The following FOXN2 variants were observed in gnomAD, a reference collection of about 807,000 sequenced individuals.
FOXN2 encodes the protein forkhead box protein N2.
FOXN2 carries 19 observed loss-of-function variants against 41.2 expected under a neutral mutation model. The ratio of observed to expected loss-of-function variants is 0.46; its 90% CI spans 0.32 to 0.68. The LOEUF (loss-of-function observed/expected upper bound fraction) is 0.68. Ranked by LOEUF, FOXN2 falls within the 30% of genes least tolerant of loss-of-function variation. The probability of loss-of-function intolerance (pLI) is 0.03; values close to 1 mark genes in which losing one functional copy is unlikely to be tolerated. For synonymous variants in FOXN2, 195 were observed against 176.8 expected (o/e 1.10, Z -0.82); for missense variants, 587 against 509.4 (o/e 1.15, Z -1.47).
At chr2:48,323,997 A>G (rs891780757) in intron 1 of FOXN2, among the ~76,000 whole-genome samples, 2 of 152,076 alleles carry the variant, frequency 1.3e-5, no homozygotes, top group African/African-American at 2.4e-5. Flanking sequence ...ACTTCCTTCA[A>G]TTACTACTTT....
At chr2:48,319,616 CTT>C (rs35143943) in intron 1 of FOXN2, among the ~76,000 whole-genome samples, 22 of 133,874 alleles carry the variant, frequency 1.6e-4, no homozygotes, top group Non-Finnish European at 1.9e-4. Context: ...TATTTAAATT[CTT>C]TTTTTTTTTT....
chr2:48,334,947 G>A (rs1341494532), intron 2 of FOXN2, among the ~76,000 whole-genome samples: 2 of 152,284 alleles, frequency 1.3e-5, no homozygotes, highest in East Asian at 3.9e-4. Flanking sequence ...CTAGTTTGCA[G>A]CATAAATTCA....
At chr2:48,328,447 T>C (rs964873677) in intron 1 of FOXN2, 114 bp from the exon 2 acceptor site, 4 of 152,238 alleles carry the variant, frequency 2.6e-5, no homozygotes, top group Admixed American at 2.0e-4. Flanking sequence ...AAATGCTATA[T>C]AAATAGTTGT....
intron 5 of FOXN2, among the ~76,000 whole-genome samples, chr2:48,366,584 A>G (rs1414668907): frequency 2.6e-5 from 4 of 152,160 alleles, no homozygotes; most frequent in Non-Finnish European, 4.4e-5. Context: ...CTTATTTAGC[A>G]TAATAAGGAC....
rs549136834 is a variant in FOXN2 at position 48,374,926 on chromosome 2, A to G, written c.779A>G (p.Lys260Arg). ...SIEQGILECE[K>R]PLPLKTALQK... The stretch of plus-strand genomic sequence containing the variant: ...GAACTTTTATTTTCCACAGGTGAGA[A>G]GCCTCTTCCTCTTAAAACAGCATTG... Residue 260 changes from lysine to arginine, a missense_variant, in exon 7 of 7, where the codon AAG becomes AGG. Coordinates refer to ENST00000340553, the MANE Select transcript of FOXN2 (RefSeq NM_002158.4). 4.4e-6 allele frequency: 7 copies of G among 1,607,116 alleles called. No homozygotes were observed. The highest frequency in any genetic ancestry group is 2.2e-5 in the South Asian group (2 of 90,528).
intron 1 of FOXN2, among the ~76,000 whole-genome samples, chr2:48,315,033 G>T (rs1328955739): frequency 6.6e-6 from 1 of 152,108 alleles, no homozygotes; most frequent in Non-Finnish European, 1.5e-5. Flanking sequence ...TGGGCTCCGG[G>T]GGATGTCGAA....
At chr2:48,346,835 A>G (rs1011716441) in intron 3 of FOXN2, 84 bp downstream of exon 3, 3 of 1,164,278 alleles carry the variant, frequency 2.6e-6, no homozygotes, top group Non-Finnish European at 3.6e-6. Context: ...GAAATCGGGG[A>G]GACAATAAGT....
At chr2:48,367,947 A>T (rs544703946) in intron 5 of FOXN2, among the ~76,000 whole-genome samples, 1 of 152,282 alleles carries the variant, frequency 6.6e-6, no homozygotes, top group African/African-American at 2.4e-5. Flanking sequence ...GGTTCAAGTG[A>T]TTCTCCTGCC....
chr2:48,323,645 T>C (rs1047710060), intron 1 of FOXN2, among the ~76,000 whole-genome samples: 2 of 152,204 alleles, frequency 1.3e-5, no homozygotes, highest in Admixed American at 6.5e-5. Flanking sequence ...GTCACATGTA[T>C]AGTTTGCAAA....
intron 6 of FOXN2, among the ~76,000 whole-genome samples, chr2:48,374,553 A>C (rs921033777): frequency 1.6e-4 from 25 of 152,180 alleles, no homozygotes; most frequent in Admixed American, 1.1e-3. Context: ...GCATATATTC[A>C]AGAAAAGGCA....
chr2:48,357,006 A>G (rs1440515391), intron 3 of FOXN2, among the ~76,000 whole-genome samples: 1 of 152,228 alleles, frequency 6.6e-6, no homozygotes, highest in Non-Finnish European at 1.5e-5. Context: ...TCTAAGCCCA[A>G]TAATATAGGA....
intron 6 of FOXN2, among the ~76,000 whole-genome samples, chr2:48,374,167 T>A (rs1371960743): frequency 6.6e-6 from 1 of 151,696 alleles, no homozygotes; most frequent in African/African-American, 2.4e-5. Context: ...AGGATTAGTA[T>A]CAAGTATATA....
At chr2:48,336,422 T>TATATATATGTATATACATAC (rs1670359949) in intron 2 of FOXN2, among the ~76,000 whole-genome samples, 1 of 131,410 alleles carries the variant, frequency 7.6e-6, no homozygotes, top group African/African-American at 2.9e-5. Flanking sequence ...AAAAAAAATA[T>TATATATATGTATATACATAC]ATATATATGT....
chr2:48,358,500 G>A (rs184175284), intron 3 of FOXN2, among the ~76,000 whole-genome samples: 26 of 152,030 alleles, frequency 1.7e-4, no homozygotes, highest in African/African-American at 5.8e-4. Context: ...CCTATAGAAC[G>A]GTGTTCTTTC....
intron 4 of FOXN2, among the ~76,000 whole-genome samples, chr2:48,360,274 AATACTTTAAGGGTAGTTT>A (rs1413148021): frequency 6.6e-6 from 1 of 152,168 alleles, no homozygotes; most frequent in Non-Finnish European, 1.5e-5. Flanking sequence ...ATTTGGTTAA[AATACTTTAAGGGTAGTTT>A]ATAATGGCTA....
At chr2:48,336,334 G>T (rs1201629332) in intron 2 of FOXN2, among the ~76,000 whole-genome samples, 1 of 151,444 alleles carries the variant, frequency 6.6e-6, no homozygotes, top group African/African-American at 2.4e-5. Context: ...CTTGAACCTG[G>T]GAGGGGGAGG....
intron 1 of FOXN2, among the ~76,000 whole-genome samples, chr2:48,320,989 A>G (rs1006286394): frequency 6.7e-6 from 1 of 150,052 alleles, no homozygotes; most frequent in African/African-American, 2.5e-5. Context: ...TGAGAGACTT[A>G]CTCTTTCACT....
At chr2:48,372,952 A>T (rs2104535685) in intron 5 of FOXN2, among the ~76,000 whole-genome samples, 1 of 151,364 alleles carries the variant, frequency 6.6e-6, no homozygotes, top group Non-Finnish European at 1.5e-5. Flanking sequence ...AACGATGTAC[A>T]TTCTTAGCTA....
intron 1 of FOXN2, among the ~76,000 whole-genome samples, chr2:48,324,548 GT>G (rs1411111496): frequency 2.0e-5 from 3 of 151,880 alleles, no homozygotes; most frequent in Non-Finnish European, 4.4e-5. Context: ...TGACTTCTTT[GT>G]TTAGTTAAAA....
Sources: gnomAD v4.1 joint callset for allele counts (sites outside exome capture counted in the v4.1 genomes callset) on GRCh38, gnomAD v4.1.1 for gene constraint, MANE v1.5 for transcripts, NCBI Gene and HGNC (gene_info 2026-07-23, HGNC 2026-07-21) for gene names.